The following ITGAV variants were observed in gnomAD, a reference collection of about 807,000 sequenced individuals.
ITGAV encodes integrin subunit alpha V, also known as integrin alpha-V.
ITGAV carries 76 observed loss-of-function variants against 143.8 expected under a neutral mutation model. The observed-to-expected ratio is 0.53, with a 90% CI of 0.44 to 0.64. The LOEUF is 0.64. Ranked by LOEUF, ITGAV falls within the 30% of genes least tolerant of loss-of-function variation. ITGAV has a pLI of 0.00. For missense variants in ITGAV, 1,193 were observed against 1,274.7 expected (o/e 0.94, Z 0.98); for synonymous variants, 453 against 446.7 (o/e 1.01, Z -0.18).
Position 186,652,007 on chromosome 2 carries a change from G to C in ITGAV, c.1423G>C (p.Ala475Pro). 6.2e-7 allele frequency: 1 copy of C among 1,612,226 alleles called. No homozygotes were observed. Among genetic ancestry groups the C allele is most frequent in the Non-Finnish European group, 8.5e-7 (1 of 1,178,556 alleles). ...GGCCAGACCAGTTATCACTGTAAAT[G>C]CTGGTCTTGAAGTGTACCCTAGCAT... ...YRARPVITVN[A>P]GLEVYPSILN... The change falls in exon 15 of 30, where the codon GCT becomes CCT. Residue 475 changes from alanine to proline, a missense_variant. Ala to Pro is a conservative substitution (Grantham distance 27). Transcript: ENST00000261023.
In ITGAV at chr2:186,630,854, C is replaced by G. The variant is rs1357902610; in HGVS notation, c.581C>G (p.Thr194Ser). The stretch of plus-strand genomic sequence containing the variant: ...CAAGGAGGATTCAGCATTGATTTTA[C>G]TAAAGTAAGTTCTTATTTAAGACTG... Reference protein sequence around the residue: ...FCQGGFSIDFTKADRVLLGGP... With the variant: ...FCQGGFSIDFSKADRVLLGGP... Residue 194 changes from threonine (T) to serine (S), a missense_variant, in exon 5 of 30, where the codon ACT becomes AGT. Coordinates refer to ENST00000261023, the MANE Select transcript of ITGAV (RefSeq NM_002210.5). 6.5e-7 allele frequency: 1 copy of G among 1,541,702 alleles called. No homozygotes were observed. The highest frequency in any genetic ancestry group is 1.7e-5 in the Admixed American group (1 of 59,468).
At chr2:186,616,461 G>GT (rs1687365467) in intron 2 of ITGAV, among the ~76,000 whole-genome samples, 1 of 151,260 alleles carries the variant, frequency 6.6e-6, no homozygotes, top group Admixed American at 6.6e-5. Flanking sequence ...TGCATTTTTA[G>GT]TAGAGACGGG....
chr2:186,620,371 G>A (rs1481544559), intron 2 of ITGAV, among the ~76,000 whole-genome samples: 2 of 152,126 alleles, frequency 1.3e-5, no homozygotes, highest in Non-Finnish European at 1.5e-5. Context: ...TAAAGTTTCC[G>A]GGCAAGAGGA....
intron 13 of ITGAV, among the ~76,000 whole-genome samples, chr2:186,648,912 G>A (rs1333211563): frequency 2.0e-5 from 3 of 148,718 alleles, no homozygotes; most frequent in African/African-American, 7.4e-5. Flanking sequence ...ATTTTCATTT[G>A]TGTGTATATA....
At chr2:186,619,712 C>T (rs969073735) in intron 2 of ITGAV, among the ~76,000 whole-genome samples, 1 of 152,116 alleles carries the variant, frequency 6.6e-6, no homozygotes, top group Non-Finnish European at 1.5e-5. Flanking sequence ...GGCTCTTGGC[C>T]AGGCAGGGTG....
At position 186,667,599 on chromosome 2, in the gene ITGAV, G is replaced by A. The variant is rs982042090; in HGVS notation, c.2328-72G>A. ...TTTTATTTATTTGAGTAATGAATAT[G>A]GGGTACTTTTGAAAATGAACTGACT... On this transcript the variant is annotated intron_variant, in intron 23 of 29. Transcript: ENST00000261023. 12 of 717,914 alleles carry A rather than the reference G, an allele frequency of 1.7e-5. No individual in the cohort carries two copies. In the Admixed American group the frequency reaches 2.3e-4, roughly 14 times the overall value. The allele number at this position is 717,914 out of a possible 1,614,324, so 44.5% of individuals were successfully genotyped here.
chr2:186,601,490 T>C (rs1281572900), intron 1 of ITGAV, among the ~76,000 whole-genome samples: 2 of 151,396 alleles, frequency 1.3e-5, no homozygotes, highest in Non-Finnish European at 1.5e-5. Context: ...AAAATAAAAA[T>C]TACAGCAATA....
chr2:186,619,024 T>A (rs1332095156), intron 2 of ITGAV, among the ~76,000 whole-genome samples: 1 of 151,730 alleles, frequency 6.6e-6, no homozygotes, highest in African/African-American at 2.4e-5. Flanking sequence ...AACAGATGAA[T>A]GGATAAAGAA....
At chr2:186,594,528 C>A (rs886349097) in intron 1 of ITGAV, among the ~76,000 whole-genome samples, 6 of 152,198 alleles carry the variant, frequency 3.9e-5, no homozygotes, top group Admixed American at 3.9e-4. Context: ...CCTCCCCCAT[C>A]CCTCTGCCCA....
rs201679057 is a variant in ITGAV at position 186,590,288 on chromosome 2, G to C, written c.-51G>C. 40 of 1,415,882 alleles carry C rather than the reference G, an allele frequency of 2.8e-5. No individual in the cohort carries two copies. The highest frequency in any genetic ancestry group is 1.2e-4 in the African/African-American group (8 of 66,866). The allele number at this position is 1,415,882 out of a possible 1,614,324, so 87.7% of individuals were successfully genotyped here. A position where few individuals can be genotyped will look rare whatever the true frequency, so the allele number is the denominator to read the frequency against. On this transcript the variant is annotated 5_prime_UTR_variant, in exon 1 of 30. Coordinates refer to ENST00000261023, the MANE Select transcript of ITGAV (RefSeq NM_002210.5). ...CGGGCACTGGGCGCCTCGCTGGGGC[G>C]GGGGGAGGTGGCTACCGCTCCCGGC...
intron 2 of ITGAV, among the ~76,000 whole-genome samples, chr2:186,609,436 C>T (rs1036672937): frequency 6.6e-6 from 1 of 152,076 alleles, no homozygotes; most frequent in African/African-American, 2.4e-5. Context: ...CAGATGGACA[C>T]TTTAGATGTG....
intron 2 of ITGAV, among the ~76,000 whole-genome samples, chr2:186,604,692 A>C (rs1687008726): frequency 6.6e-6 from 1 of 152,014 alleles, no homozygotes; most frequent in African/African-American, 2.4e-5. Flanking sequence ...CTGTTATGTT[A>C]ATTTGCATTT....
At chr2:186,674,380 G>A (rs1023322909) in intron 26 of ITGAV, among the ~76,000 whole-genome samples, 3 of 151,912 alleles carry the variant, frequency 2.0e-5, no homozygotes, top group Admixed American at 2.0e-4. Flanking sequence ...CTTGTGTCCT[G>A]TACCTCTTCT....
intron 1 of ITGAV, among the ~76,000 whole-genome samples, chr2:186,594,368 C>T (rs1384531096): frequency 2.0e-5 from 3 of 152,136 alleles, no homozygotes; most frequent in Non-Finnish European, 4.4e-5. Flanking sequence ...TGTGTTTCTC[C>T]TACTTCACCA....
At chr2:186,648,629 T>A (rs2105721854) in intron 13 of ITGAV, among the ~76,000 whole-genome samples, 1 of 151,962 alleles carries the variant, frequency 6.6e-6, no homozygotes, top group South Asian at 2.1e-4. Flanking sequence ...CACGCACAGC[T>A]AATTTTTGTA....
rs778951731 is a variant in ITGAV at position 186,675,902 on chromosome 2, T to C, written c.2903T>C (p.Ile968Thr). Reference protein sequence around the residue: ...VIEFPYKNLPIEDITNSTLVT... With the variant: ...VIEFPYKNLPTEDITNSTLVT... ...GAGTTTCCTTATAAGAATCTTCCAATTGAGGATATCACCAACTCCACATTG... is the reference window on the plus strand; with the variant it reads ...GAGTTTCCTTATAAGAATCTTCCAACTGAGGATATCACCAACTCCACATTG... Residue 968 changes from isoleucine (I) to threonine (T), a missense_variant, in exon 28 of 30, where the codon ATT (isoleucine) becomes ACT (threonine). Physicochemically the swap from Ile to Thr is moderately conservative, Grantham distance 89. Transcript: ENST00000261023. 1.3e-6 allele frequency: 2 copies of C among 1,598,274 alleles called. No individual in the cohort carries two copies. The highest frequency in any genetic ancestry group is 1.7e-5 in the Admixed American group (1 of 59,906).
intron 6 of ITGAV, among the ~76,000 whole-genome samples, chr2:186,634,705 A>G (rs1687906412): frequency 6.6e-6 from 1 of 152,234 alleles, no homozygotes; most frequent in Non-Finnish European, 1.5e-5. Context: ...GGGAAATAAA[A>G]TGATTTAGAA....
chr2:186,617,402 G>GT (rs1415212851), intron 2 of ITGAV, among the ~76,000 whole-genome samples: 1 of 152,208 alleles, frequency 6.6e-6, no homozygotes, highest in African/African-American at 2.4e-5. Context: ...TGCTAATAAG[G>GT]AGTAGAGTCG....
At chr2:186,642,001 T>C (rs769001899) in intron 12 of ITGAV, among the ~76,000 whole-genome samples, 1 of 152,216 alleles carries the variant, frequency 6.6e-6, no homozygotes, top group African/African-American at 2.4e-5. Context: ...AATGCATACC[T>C]CAAAGGTATG....
Sources: gnomAD v4.1 joint callset for allele counts (sites outside exome capture counted in the v4.1 genomes callset) on GRCh38, gnomAD v4.1.1 for gene constraint, MANE v1.5 for transcripts, NCBI Gene and HGNC (gene_info 2026-07-23, HGNC 2026-07-21) for gene names.